Variants in EXT1 observed in about 807,000 individuals in gnomAD.
EXT1 encodes exostosin-1.
Under a neutral mutation model 82.5 loss-of-function variants are expected in EXT1, and 20 were observed. That is an observed-to-expected ratio of 0.24 (90% CI 0.17 to 0.35). EXT1 has a LOEUF of 0.35. Among genes scored for constraint, EXT1 ranks in the 10% least tolerant of loss-of-function variants. The pLI, the probability that EXT1 is intolerant of heterozygous loss-of-function variation, is 1.00. For synonymous variants in EXT1, 348 were observed against 350.8 expected (o/e 0.99, Z 0.09); for missense variants, 757 against 936.5 (o/e 0.81, Z 2.50).
At chr8:117,959,653 C>T (rs1467609261) in intron 1 of EXT1, among the ~76,000 whole-genome samples, 7 of 152,172 alleles carry the variant, frequency 4.6e-5, no homozygotes, top group South Asian at 4.1e-4. Context: ...ATTGGACACA[C>T]GTTTGTGTGA....
chr8:118,096,747 A>C (rs1423219019), intron 1 of EXT1, among the ~76,000 whole-genome samples: 2 of 152,142 alleles, frequency 1.3e-5, no homozygotes, highest in African/African-American at 4.8e-5. Context: ...CCTTGGGGAA[A>C]AAAAGGTTCA....
intron 1 of EXT1, among the ~76,000 whole-genome samples, chr8:117,973,328 A>G (rs1245216732): frequency 6.6e-6 from 1 of 152,156 alleles, no homozygotes; most frequent in East Asian, 1.9e-4. Context: ...GCATTGGTTG[A>G]TCCTCAGTGT....
At chr8:117,897,322 G>A (rs1407738519) in intron 1 of EXT1, among the ~76,000 whole-genome samples, 1 of 152,170 alleles carries the variant, frequency 6.6e-6, no homozygotes, top group Non-Finnish European at 1.5e-5. Context: ...TGGTGTGGCA[G>A]TCTTACTGTT....
intron 1 of EXT1, among the ~76,000 whole-genome samples, chr8:117,905,828 A>G (rs1813534036): frequency 6.6e-6 from 1 of 152,154 alleles, no homozygotes; most frequent in African/African-American, 2.4e-5. Flanking sequence ...CAAAACAAAA[A>G]ACACTTTGTG....
At chr8:117,895,899 C>A (rs1813327122) in intron 1 of EXT1, among the ~76,000 whole-genome samples, 2 of 152,210 alleles carry the variant, frequency 1.3e-5, no homozygotes, top group Non-Finnish European at 2.9e-5. Flanking sequence ...CTCAAACTTC[C>A]AGCAGCCCAC....
intron 1 of EXT1, among the ~76,000 whole-genome samples, chr8:117,876,598 G>A (rs756628255): frequency 2.0e-4 from 30 of 152,154 alleles, no homozygotes; most frequent in Non-Finnish European, 2.8e-4. Flanking sequence ...AGGTAAGGAC[G>A]TAGGATAAAA....
intron 1 of EXT1, among the ~76,000 whole-genome samples, chr8:117,876,253 TTGAAA>T (rs1258749597): frequency 1.3e-5 from 2 of 152,148 alleles, no homozygotes; most frequent in Non-Finnish European, 2.9e-5. Flanking sequence ...GAAATGACAC[TTGAAA>T]TGAATTTTAA....
intron 1 of EXT1, among the ~76,000 whole-genome samples, chr8:117,908,441 G>A (rs1813581536): frequency 6.6e-6 from 1 of 151,938 alleles, no homozygotes; most frequent in Non-Finnish European, 1.5e-5. Flanking sequence ...ACCAGCCTGG[G>A]CAACATGGTG....
At chr8:117,889,569 A>C (rs1372586461) in intron 1 of EXT1, among the ~76,000 whole-genome samples, 1 of 152,184 alleles carries the variant, frequency 6.6e-6, no homozygotes, top group African/African-American at 2.4e-5. Flanking sequence ...TGACTATAGA[A>C]AGATATGTGT....
chr8:117,912,083 A>G (rs1449644672), intron 1 of EXT1, among the ~76,000 whole-genome samples: 1 of 152,160 alleles, frequency 6.6e-6, no homozygotes, highest in Non-Finnish European at 1.5e-5. Context: ...AAGAAGAAGA[A>G]AAAAAGACTA....
intron 1 of EXT1, among the ~76,000 whole-genome samples, chr8:117,936,986 A>G (rs1325427110): frequency 1.3e-5 from 2 of 152,196 alleles, no homozygotes; most frequent in Non-Finnish European, 2.9e-5. Context: ...TCAACACAGC[A>G]CCTGCCACAC....
intron 1 of EXT1, among the ~76,000 whole-genome samples, chr8:117,898,859 G>A (rs532079563): frequency 3.3e-5 from 5 of 151,742 alleles, no homozygotes; most frequent in Admixed American, 2.0e-4. Context: ...GCTCTTCCAA[G>A]CTAAGAATAT....
rs1816525716 is a variant in EXT1, at chr8:118,041,500, G to A, written c.962+68585C>T. 2.0e-5 allele frequency among the ~76,000 whole-genome samples: 3 copies of A among 152,148 alleles called. No individual in the cohort carries two copies. The South Asian group carries it at 6.2e-4, about 32-fold the overall frequency. On this transcript the variant is annotated intron_variant, in intron 1 of 10. Coordinates refer to ENST00000378204, the MANE Select transcript of EXT1 (RefSeq NM_000127.3). Reference sequence around the variant, plus strand: ...GTATCTTACCCATAGGATATTATAAGAAGTCTATACCGAGTATTACAGGTG... The same window carrying A: ...GTATCTTACCCATAGGATATTATAAAAAGTCTATACCGAGTATTACAGGTG...
chr8:117,932,022 G>T (rs1013813364), intron 1 of EXT1, among the ~76,000 whole-genome samples: 3 of 152,128 alleles, frequency 2.0e-5, no homozygotes, highest in Non-Finnish European at 4.4e-5. Context: ...AACTTATTAT[G>T]CACAAATACA....
chr8:118,031,462 T>C (rs1252115597), intron 1 of EXT1, among the ~76,000 whole-genome samples: 1 of 151,716 alleles, frequency 6.6e-6, no homozygotes, highest in East Asian at 1.9e-4. Context: ...AAGGCGGAGG[T>C]TGCAGTGAGC....
At chr8:118,032,580 G>A (rs917217806) in intron 1 of EXT1, among the ~76,000 whole-genome samples, 47 of 149,152 alleles carry the variant, frequency 3.2e-4, no homozygotes, top group Non-Finnish European at 8.9e-5. Context: ...GCAGGATCTC[G>A]GCTGACTGCA....
rs983974836 is a variant in EXT1 at position 117,794,760 on chromosome 8, C to T, written c.*4952G>A. The stretch of plus-strand genomic sequence containing the variant: ...ACACTTCAGAAAAGACCTGTGGTGA[C>T]ACTACAAAAACATTGGCAACATATT... On this transcript the variant is annotated 3_prime_UTR_variant, in exon 11 of 11. Coordinates refer to ENST00000378204, the MANE Select transcript of EXT1 (RefSeq NM_000127.3). 19 of 152,176 alleles carry T rather than the reference C, an allele frequency of 1.2e-4. No individual in the cohort carries two copies. Among genetic ancestry groups the T allele is most frequent in the African/African-American group, 4.6e-4 (19 of 41,442 alleles). The allele number at this position is 152,176 out of a possible 1,614,324, so 9.4% of individuals were successfully genotyped here. A position where few individuals can be genotyped will look rare whatever the true frequency, so the allele number is the denominator to read the frequency against.
intron 1 of EXT1, among the ~76,000 whole-genome samples, chr8:118,086,899 C>T (rs1236078089): frequency 6.6e-6 from 1 of 152,106 alleles, no homozygotes; most frequent in Admixed American, 6.5e-5. Flanking sequence ...TCTGAAACTT[C>T]CCTCCTCCAG....
chr8:117,858,866 AAAG>A, intron 1 of EXT1, among the ~76,000 whole-genome samples: 1 of 71,170 alleles, frequency 1.4e-5, no homozygotes, highest in Non-Finnish European at 3.5e-5. Context: ...AGAAAGAAAG[AAAG>A]AAAGAAAGAA....
Sources: allele counts gnomAD v4.1 joint callset (sites outside exome capture counted in the v4.1 genomes callset), GRCh38; gene constraint gnomAD v4.1.1; transcripts MANE v1.5; gene names NCBI Gene and HGNC (gene_info 2026-07-23, HGNC 2026-07-21).